SUCLG2: variants seen among roughly 807,000 people sequenced by gnomAD.
The protein encoded by SUCLG2 is succinate-CoA ligase GDP-forming subunit beta, also known as succinate--CoA ligase [GDP-forming] subunit beta, mitochondrial.
A neutral mutation model predicts 47.9 loss-of-function variants in SUCLG2; 42 were observed. The ratio of observed to expected loss-of-function variants is 0.88; its 90% CI spans 0.69 to 1.14. The LOEUF (loss-of-function observed/expected upper bound fraction) is 1.14. Ranked by LOEUF, SUCLG2 falls within the 50% of genes most tolerant of loss-of-function variation. The pLI, the probability that SUCLG2 is intolerant of heterozygous loss-of-function variation, is 0.00. For missense variants in SUCLG2, 571 were observed against 525.9 expected, an observed-to-expected ratio of 1.09 and a Z score of -0.84; for synonymous variants, 195 against 197.3, an observed-to-expected ratio of 0.99 and a Z score of 0.10.
intron 1 of SUCLG2, among the ~76,000 whole-genome samples, chr3:67,624,580 C>T (rs898392242): frequency 3.3e-5 from 5 of 152,108 alleles, no homozygotes; most frequent in Non-Finnish European, 7.3e-5. Context: ...ACATAAAATG[C>T]CCTAGTTATA....
chr3:67,383,796 C>T (rs1374257148), intron 10 of SUCLG2, among the ~76,000 whole-genome samples: 2 of 152,020 alleles, frequency 1.3e-5, no homozygotes, highest in Non-Finnish European at 2.9e-5. Context: ...GTTAAAGGAG[C>T]CTTAATATTA....
intron 2 of SUCLG2, among the ~76,000 whole-genome samples, chr3:67,573,985 A>T (rs1380464330): frequency 1.3e-5 from 2 of 152,164 alleles, no homozygotes; most frequent in East Asian, 3.9e-4. Flanking sequence ...AACAGAATTC[A>T]GTTCCTGGGC....
At chr3:67,401,873 A>G (rs1702690609) in intron 9 of SUCLG2, among the ~76,000 whole-genome samples, 1 of 152,340 alleles carries the variant, frequency 6.6e-6, no homozygotes, top group Non-Finnish European at 1.5e-5. Flanking sequence ...AATATCTTAC[A>G]TTTGTATAGC....
chr3:67,627,133 T>A (rs1700846787), intron 1 of SUCLG2, among the ~76,000 whole-genome samples: 1 of 152,072 alleles, frequency 6.6e-6, no homozygotes, highest in African/African-American at 2.4e-5. Flanking sequence ...AAATACAGTT[T>A]TATTTTCTTC....
At chr3:67,364,634 C>T (rs1413956278) in intron 10 of SUCLG2, among the ~76,000 whole-genome samples, 2 of 152,184 alleles carry the variant, frequency 1.3e-5, no homozygotes, top group South Asian at 2.1e-4. Flanking sequence ...GGTTGTCCAC[C>T]CAACATGGCA....
intron 9 of SUCLG2, among the ~76,000 whole-genome samples, chr3:67,425,685 C>T (rs1049051600): frequency 6.6e-5 from 10 of 152,218 alleles, no homozygotes; most frequent in African/African-American, 2.4e-4. Flanking sequence ...TACCACCAGC[C>T]TTCCTGGGTC....
chr3:67,654,467 G>A, intron 1 of SUCLG2, 36 bp downstream of exon 1: 1 of 1,226,414 alleles, frequency 8.2e-7, no homozygotes, highest in Non-Finnish European at 1.0e-6. Context: ...GGCCGGCGCC[G>A]CTGCTGGCGC....
intron 9 of SUCLG2, among the ~76,000 whole-genome samples, chr3:67,413,119 T>C (rs971288676): frequency 2.0e-5 from 3 of 152,024 alleles, no homozygotes; most frequent in Non-Finnish European, 2.9e-5. Flanking sequence ...TCTGAAATTG[T>C]TGCTCATTAG....
intron 10 of SUCLG2, among the ~76,000 whole-genome samples, chr3:67,393,107 G>T (rs1195028101): frequency 6.6e-6 from 1 of 152,256 alleles, no homozygotes; most frequent in African/African-American, 2.4e-5. Context: ...GAAGACGGGT[G>T]ATTTCTGCAT....
intron 6 of SUCLG2, among the ~76,000 whole-genome samples, chr3:67,510,240 G>C (rs1043503968): frequency 1.3e-5 from 2 of 152,154 alleles, no homozygotes; most frequent in Non-Finnish European, 2.9e-5. Context: ...ATTGCAAGTG[G>C]TTCCAGATTT....
chr3:67,438,517 A>T (rs975229556), intron 9 of SUCLG2, among the ~76,000 whole-genome samples: 25 of 152,138 alleles, frequency 1.6e-4, no homozygotes, highest in Non-Finnish European at 3.7e-4. Context: ...AGAAGAGAGA[A>T]GAATCAAATA....
intron 7 of SUCLG2, among the ~76,000 whole-genome samples, chr3:67,504,260 T>G (rs1575740098): frequency 6.9e-6 from 1 of 144,286 alleles, no homozygotes; most frequent in Non-Finnish European, 1.5e-5. Flanking sequence ...GGTAGGGGGG[T>G]TGGGGGAGGT....
chr3:67,625,574 A>G (rs1322512737), intron 1 of SUCLG2, among the ~76,000 whole-genome samples: 2 of 152,252 alleles, frequency 1.3e-5, no homozygotes, highest in South Asian at 4.1e-4. Flanking sequence ...CTTTGCCTCT[A>G]AAGGAGGACA....
intron 9 of SUCLG2, among the ~76,000 whole-genome samples, chr3:67,469,622 G>A (rs1351026550): frequency 2.0e-5 from 3 of 151,548 alleles, no homozygotes; most frequent in Non-Finnish European, 4.4e-5. Context: ...CCAGGTACTC[G>A]GGAGGCTGAG....
chr3:67,476,462 C>G (rs986972486), intron 9 of SUCLG2, among the ~76,000 whole-genome samples: 1 of 152,052 alleles, frequency 6.6e-6, no homozygotes, highest in African/African-American at 2.4e-5. Context: ...ATGGGACGAT[C>G]TAGTAGGAAA....
At chr3:67,391,461 G>C (rs939396079) in intron 10 of SUCLG2, among the ~76,000 whole-genome samples, 1 of 152,136 alleles carries the variant, frequency 6.6e-6, no homozygotes, top group Non-Finnish European at 1.5e-5. Context: ...GGGTATTAAA[G>C]AGTTTAGAGG....
At chr3:67,546,679 G>A (rs954092677) in intron 2 of SUCLG2, among the ~76,000 whole-genome samples, 4 of 152,282 alleles carry the variant, frequency 2.6e-5, no homozygotes, top group East Asian at 1.9e-4. Context: ...AGGTTGCAGC[G>A]AGCCGAGATT....
intron 9 of SUCLG2, among the ~76,000 whole-genome samples, chr3:67,487,246 T>C (rs1158549052): frequency 6.6e-6 from 1 of 152,092 alleles, no homozygotes; most frequent in Non-Finnish European, 1.5e-5. Context: ...GGTATGTTGA[T>C]TCATGAAATC....
At chr3:67,397,871 C>A (rs369987059) in intron 10 of SUCLG2, among the ~76,000 whole-genome samples, 1 of 151,656 alleles carries the variant, frequency 6.6e-6, no homozygotes, top group Non-Finnish European at 1.5e-5. Flanking sequence ...CACCGCATAT[C>A]TACAACTATC....
Sources: allele counts gnomAD v4.1 joint callset (sites outside exome capture counted in the v4.1 genomes callset), GRCh38; gene constraint gnomAD v4.1.1; transcripts MANE v1.5; gene names NCBI Gene and HGNC (gene_info 2026-07-23, HGNC 2026-07-21).